Variants in TATDN1 observed in about 807,000 individuals in gnomAD.
TATDN1 encodes the protein deoxyribonuclease TATDN1.
TATDN1 carries 40 observed loss-of-function variants against 46.4 expected under a neutral mutation model. The ratio of observed to expected loss-of-function variants is 0.86; its 90% CI spans 0.67 to 1.12. TATDN1 has a LOEUF of 1.12. Among genes scored for constraint, TATDN1 ranks in the 50% most tolerant of loss-of-function variants. The pLI is 0.00. For synonymous variants in TATDN1, 95 were observed against 105.6 expected (o/e 0.90, Z 0.62); for missense variants, 326 against 348.4 (o/e 0.94, Z 0.51).
chr8:124,491,223 T>C (rs1235931976), intron 11 of TATDN1: 1 of 152,196 alleles, frequency 6.6e-6, no homozygotes, highest in East Asian at 1.9e-4. Context: ...TGGGTAGTGA[T>C]AAAATCTAAG....
At chr8:124,508,871 A>T (rs1818753326) in intron 6 of TATDN1, among the ~76,000 whole-genome samples, 183 bp from the exon 7 acceptor site, 1 of 152,222 alleles carries the variant, frequency 6.6e-6, no homozygotes, top group African/African-American at 2.4e-5. Context: ...CAACTTCTGG[A>T]AAGAAATACT....
At chr8:124,490,087 G>GA (rs1352954567) in intron 11 of TATDN1, 2 of 152,318 alleles carry the variant, frequency 1.3e-5, no homozygotes, top group East Asian at 3.9e-4. Context: ...GGAAACTACT[G>GA]AATGTCCCTC....
At chr8:124,538,866 A>C in intron 1 of TATDN1, 159 bp downstream of exon 1, 1 of 747,720 alleles carries the variant, frequency 1.3e-6, no homozygotes, top group Admixed American at 2.1e-5. Flanking sequence ...GAACCAGAGC[A>C]TTACCAGCAC....
At chr8:124,488,760 T>A (rs112001642) in intron 11 of TATDN1, 64 bp from the exon 12 acceptor site, 2 of 982,954 alleles carry the variant, frequency 2.0e-6, no homozygotes, top group African/African-American at 3.3e-5. Flanking sequence ...TAAAGCTATA[T>A]AATATTTTTC....
At chr8:124,514,111 C>A (rs1819256721) in intron 6 of TATDN1, among the ~76,000 whole-genome samples, 1 of 152,168 alleles carries the variant, frequency 6.6e-6, no homozygotes, top group Admixed American at 6.5e-5. Context: ...CAGAGCATTA[C>A]GTTAACCCAT....
At chr8:124,535,154 G>C (rs1382346633) in intron 1 of TATDN1, among the ~76,000 whole-genome samples, 2 of 152,124 alleles carry the variant, frequency 1.3e-5, no homozygotes, top group African/African-American at 4.8e-5. Flanking sequence ...CCCCCATCCT[G>C]AGGCTATCCA....
Position 124,493,883 on chromosome 8 carries a change from C to G in TATDN1, c.741G>C (p.Lys247Asn), listed in dbSNP as rs780454742. 9.9e-6 allele frequency: 16 copies of G among 1,611,788 alleles called. 1 individual carries two copies. In the Admixed American group the frequency reaches 2.7e-4, roughly 27 times the overall value. ...CTTTTAAGCAGTGCCCACTTTCCCA[C>G]TTCTTTTTGGTAGGAAATGCAGTTC... ...YIRTAFPTKK[K>N]WESGHCLKDR... Residue 247 changes from lysine (K) to asparagine (N), a missense_variant, in exon 11 of 12, where the codon AAG becomes AAC. Physicochemically the swap from Lys to Asn is moderately conservative, Grantham distance 94. Transcript: ENST00000276692.
chr8:124,531,777 G>C (rs1820981138), intron 1 of TATDN1, among the ~76,000 whole-genome samples: 1 of 152,198 alleles, frequency 6.6e-6, no homozygotes, highest in Non-Finnish European at 1.5e-5. Flanking sequence ...GGTAGATATT[G>C]CAAAGTTTAC....
At chr8:124,528,730 G>A (rs1459157836) in intron 1 of TATDN1, among the ~76,000 whole-genome samples, 6 of 152,108 alleles carry the variant, frequency 3.9e-5, no homozygotes, top group African/African-American at 1.4e-4. Context: ...TCCCAGAGGC[G>A]GCAACAGGCA....
intron 1 of TATDN1, 100 bp from the exon 2 acceptor site, chr8:124,523,102 A>T (rs1187214379): frequency 3.1e-6 from 3 of 963,686 alleles, no homozygotes; most frequent in Non-Finnish European, 4.9e-6. Flanking sequence ...TCACACACTC[A>T]TCTACTCAAA....
At chr8:124,521,736 GAA>G (rs1203886135) in intron 3 of TATDN1, 2 of 154,430 alleles carry the variant, frequency 1.3e-5, no homozygotes, top group African/African-American at 4.8e-5. Context: ...CTGTAAAAAT[GAA>G]AGTTTTACTC....
At chr8:124,519,463 GA>G (rs1819839839) in intron 3 of TATDN1, among the ~76,000 whole-genome samples, 1 of 151,986 alleles carries the variant, frequency 6.6e-6, no homozygotes, top group African/African-American at 2.4e-5. Flanking sequence ...TTAGAGATTT[GA>G]AAAAACATAC....
chr8:124,528,510 C>T (rs894136745), intron 1 of TATDN1, among the ~76,000 whole-genome samples: 1 of 152,050 alleles, frequency 6.6e-6, no homozygotes, highest in Non-Finnish European at 1.5e-5. Flanking sequence ...ACTTATGTAA[C>T]AGGAGGTATG....
chr8:124,538,877 C>T (rs1185971765), intron 1 of TATDN1, 148 bp downstream of exon 1: 3 of 838,988 alleles, frequency 3.6e-6, no homozygotes, highest in Non-Finnish European at 4.0e-6. Context: ...TTACCAGCAC[C>T]CAGAAACCTC....
chr8:124,488,894 C>T, intron 11 of TATDN1, 198 bp from the exon 12 acceptor site: 1 of 520,078 alleles, frequency 1.9e-6, no homozygotes, highest in Non-Finnish European at 3.4e-6. Context: ...GACTGTCTTG[C>T]ATATAACTAG....
chr8:124,493,597 T>G (rs1817207843), intron 11 of TATDN1, among the ~76,000 whole-genome samples: 1 of 152,218 alleles, frequency 6.6e-6, no homozygotes, highest in Non-Finnish European at 1.5e-5. Context: ...ATCATTTAAA[T>G]CCAAAATATT....
At chr8:124,504,004 C>A in intron 9 of TATDN1, 1 of 1,157,824 alleles carries the variant, frequency 8.6e-7, no homozygotes, top group Non-Finnish European at 1.2e-6. Flanking sequence ...AATTGGATTA[C>A]CAGAGAAAGC....
intron 10 of TATDN1, chr8:124,494,233 T>TA (rs1395832450): frequency 4.4e-6 from 1 of 225,218 alleles, no homozygotes; most frequent in African/African-American, 2.3e-5. Context: ...TAAATACAAT[T>TA]GTATAACAAC....
chr8:124,523,610 TA>T (rs1173988452), intron 1 of TATDN1: 1 of 152,162 alleles, frequency 6.6e-6, no homozygotes, highest in Non-Finnish European at 1.5e-5. Context: ...ATAATATAAA[TA>T]AAAGCACAGT....
Sources: gnomAD v4.1 joint callset for allele counts (sites outside exome capture counted in the v4.1 genomes callset) on GRCh38, gnomAD v4.1.1 for gene constraint, MANE v1.5 for transcripts, NCBI Gene and HGNC (gene_info 2026-07-23, HGNC 2026-07-21) for gene names.